CCDC40: variants seen among roughly 807,000 people sequenced by gnomAD.
CCDC40 encodes the protein coiled-coil domain-containing protein 40.
In CCDC40, 104 loss-of-function variants were observed where a neutral mutation model predicts 124.5. That is an observed-to-expected ratio of 0.84 (90% CI 0.71 to 0.98). CCDC40 has a LOEUF of 0.98. CCDC40 is among the 50% of genes least tolerant of loss of function. The probability of loss-of-function intolerance (pLI) is 0.00; values close to 1 mark genes in which losing one functional copy is unlikely to be tolerated. For synonymous variants in CCDC40, 580 were observed against 602.9 expected (o/e 0.96, Z 0.56); for missense variants, 1,463 against 1,503.9 (o/e 0.97, Z 0.45).
chr17:80,036,726 C>A (rs1019182046), intron 1 of CCDC40, 35 bp downstream of exon 1: 1 of 1,459,722 alleles, frequency 6.9e-7, no homozygotes, highest in South Asian at 1.3e-5. Flanking sequence ...GTCTTGGAGT[C>A]GCCAGGCCGC....
chr17:80,083,096 G>A (rs1184018943), intron 12 of CCDC40, among the ~76,000 whole-genome samples: 2 of 149,400 alleles, frequency 1.3e-5, no homozygotes, highest in Non-Finnish European at 3.0e-5. Flanking sequence ...ATGCCTAGGG[G>A]GAGCCAGGGT....
In CCDC40 at chr17:80,083,286, G is replaced by A. The variant is rs918721705; in HGVS notation, c.1989+1228G>A. On this transcript the variant is annotated intron_variant, in intron 12 of 19. Transcript: ENST00000397545. The stretch of plus-strand genomic sequence containing the variant: ...TGAACTTGGCAGAGGAGGAGGCTGC[G>A]AGCTGACATTGCCACACAACTCCAG... 5.3e-5 allele frequency among the ~76,000 whole-genome samples: 8 copies of A among 152,106 alleles called. No homozygotes were observed. The East Asian group carries it at 1.2e-3, about 22-fold the overall frequency.
At chr17:80,071,025 G>A (rs911762055) in intron 10 of CCDC40, among the ~76,000 whole-genome samples, 9 of 152,172 alleles carry the variant, frequency 5.9e-5, no homozygotes, top group African/African-American at 1.7e-4. Flanking sequence ...AGACCGCAGC[G>A]GTCCAGGCAA....
chr17:80,037,569 T>C (rs9903780), intron 1 of CCDC40, among the ~76,000 whole-genome samples: 43,272 of 150,846 alleles, frequency 0.29, 7,195 homozygotes, highest in African/African-American at 0.46. Context: ...CTAAATGTTA[T>C]CAATGATTAT....
intron 9 of CCDC40, among the ~76,000 whole-genome samples, chr17:80,064,340 C>T (rs56071031): frequency 0.12 from 18,479 of 152,144 alleles, 1,213 homozygotes; most frequent in Middle Eastern, 0.19. Context: ...TTCTACAGGA[C>T]GCCCCAGTTG....
At chr17:80,077,934 T>TA (rs1442181956) in intron 10 of CCDC40, among the ~76,000 whole-genome samples, 5 of 152,222 alleles carry the variant, frequency 3.3e-5, no homozygotes, top group Non-Finnish European at 7.3e-5. Flanking sequence ...TTTACCTCTT[T>TA]ACAGTGTCTT....
Position 80,087,689 on chromosome 17 carries a change from C to T in CCDC40, c.2532C>T (p.Asn844=). The change falls in exon 15 of 20, where the codon AAC becomes AAT. Residue 844 remains asparagine (N), a synonymous_variant. Coordinates refer to ENST00000397545, the MANE Select transcript of CCDC40 (RefSeq NM_017950.4). This position sits in a 1 kb window ranked among gnomAD's most constrained non-coding sequence, Gnocchi z 4.5. The part of the protein sequence containing the change: ...KDLDNDLKKL[N]MLMNKNRCSS... ...TGGACAACGACCTGAAGAAGCTCAA[C>T]ATGTTGATGAATAAAAACCGGTGCA... is the stretch of plus-strand genomic sequence containing the variant. The T allele has an allele frequency of 6.2e-7, 1 of 1,613,904 alleles. No individual in the cohort carries two copies. Among genetic ancestry groups the T allele is most frequent in the African/African-American group, 1.3e-5 (1 of 75,036 alleles).
At chr17:80,072,004 T>C (rs1218699833) in intron 10 of CCDC40, among the ~76,000 whole-genome samples, 1 of 151,962 alleles carries the variant, frequency 6.6e-6, no homozygotes, top group African/African-American at 2.4e-5. Flanking sequence ...CATGCCCGGC[T>C]GATTTTGTAT....
rs933031032 is a variant in CCDC40 at position 80,048,976 on chromosome 17, C to T, written c.855+215C>T. 5.3e-5 allele frequency among the ~76,000 whole-genome samples: 8 copies of T among 152,158 alleles called. No homozygotes were observed. In the East Asian group the frequency reaches 5.8e-4, roughly 11 times the overall value. ...AGGTGAGGCCTGTGTTTCTCAACCC[C>T]GGAACCACTGCCCCGTGGGGCCGGG... On this transcript the variant is annotated intron_variant, in intron 5 of 19. Transcript: ENST00000397545.
At chr17:80,063,675 C>T (rs568580406) in intron 9 of CCDC40, among the ~76,000 whole-genome samples, 3 of 152,310 alleles carry the variant, frequency 2.0e-5, no homozygotes, top group East Asian at 1.9e-4. Flanking sequence ...AAAGGGAATC[C>T]GTGCATCCAA....
rs772073501 is a variant in CCDC40 at position 80,090,073 on chromosome 17, G to A, written c.2832+189G>A. 683 of 1,536,842 alleles carry A rather than the reference G, an allele frequency of 4.4e-4. 1 individual carries two copies. Among genetic ancestry groups the A allele is most frequent in the Admixed American group, 5.7e-4 (29 of 50,988 alleles). On this transcript the variant is annotated intron_variant, in intron 17 of 19. Coordinates refer to ENST00000397545, the MANE Select transcript of CCDC40 (RefSeq NM_017950.4). ...CAGCAGAGTGACCTGCACTCCAGCC[G>A]AGCACTGGCAAAGCGCACGTCCCCC...
At chr17:80,064,660 AC>A (rs1221827949) in intron 9 of CCDC40, among the ~76,000 whole-genome samples, 2 of 146,454 alleles carry the variant, frequency 1.4e-5, no homozygotes, top group South Asian at 2.2e-4. Context: ...TTCCTGAACC[AC>A]CCCCCTAGTT....
At position 80,081,638 on chromosome 17, in the gene CCDC40, C is replaced by A; in HGVS notation, c.1655C>A (p.Ala552Glu). ...MKEEEKNEKL[A>E]SILNRTETEA... Reference sequence around the variant, plus strand: ...GAGGAAGAAAAGAACGAGAAGCTGGCGAGCATCCTGAACCGGACAGAGACG... The same window carrying A: ...GAGGAAGAAAAGAACGAGAAGCTGGAGAGCATCCTGAACCGGACAGAGACG... The change falls in exon 11 of 20, where the codon GCG (alanine) becomes GAG (glutamate). Residue 552 changes from alanine (A) to glutamate (E), a missense_variant. Physicochemically the swap from Ala to Glu is moderately radical, Grantham distance 107. Coordinates refer to ENST00000397545, the MANE Select transcript of CCDC40 (RefSeq NM_017950.4). 1.9e-6 allele frequency: 3 copies of A among 1,614,152 alleles called. No individual in the cohort carries two copies. The highest frequency in any genetic ancestry group is 1.6e-4 in the Middle Eastern group (1 of 6,062).
At chr17:80,061,564 T>C (rs553032396) in intron 9 of CCDC40, among the ~76,000 whole-genome samples, 1 of 152,304 alleles carries the variant, frequency 6.6e-6, no homozygotes, top group East Asian at 1.9e-4. Flanking sequence ...ACTTGGTAGA[T>C]GCTTCCTTTT....
At chr17:80,090,872 A>C in intron 17 of CCDC40, 1 of 985,230 alleles carries the variant, frequency 1.0e-6, no homozygotes, top group Non-Finnish European at 1.3e-6. Context: ...ATATGCTAAT[A>C]AGATGTTGTG....
In CCDC40 at chr17:80,066,165, G is replaced by A; in HGVS notation, c.1562+559G>A. ...TCGGGACGCGGAAAGAAAAAGCCGG[G>A]CACTGTGGTGGCACGTGTCTCACCC... On this transcript the variant is annotated intron_variant, in intron 10 of 19. Coordinates refer to ENST00000397545, the MANE Select transcript of CCDC40 (RefSeq NM_017950.4). The surrounding 1 kb of genome is among the most constrained non-coding windows in gnomAD (Gnocchi z 4.4). The A allele has an allele frequency of 1.4e-6, 1 of 702,972 alleles. No homozygotes were observed. The highest frequency in any genetic ancestry group is 2.6e-6 in the Non-Finnish European group (1 of 384,998). 43.5% of individuals were successfully genotyped at this position (702,972 alleles called of 1,614,324 possible).
chr17:80,057,202 C>G (rs1266003380), intron 7 of CCDC40, among the ~76,000 whole-genome samples: 1 of 151,944 alleles, frequency 6.6e-6, no homozygotes, highest in African/African-American at 2.4e-5. Context: ...ATCCTCCCAC[C>G]TCAGCCTCCT....
At chr17:80,068,354 G>A (rs1015287774) in intron 10 of CCDC40, among the ~76,000 whole-genome samples, 5 of 152,130 alleles carry the variant, frequency 3.3e-5, no homozygotes, top group South Asian at 2.1e-4. Flanking sequence ...AGTGCAGGCC[G>A]TGTAGAACAT....
In CCDC40 at chr17:80,090,796, G is replaced by T. The variant is rs2038709610; in HGVS notation, c.2832+912G>T. On this transcript the variant is annotated intron_variant, in intron 17 of 19. Coordinates refer to ENST00000397545, the MANE Select transcript of CCDC40 (RefSeq NM_017950.4). ...TAAGAGCAGTTCATAAAATAAATGG[G>T]CCTCACTTTCACCATGCCATGCTAA... The T allele has an allele frequency of 4.0e-6, 5 of 1,254,240 alleles. No individual in the cohort carries two copies. The South Asian group carries it at 8.7e-5, about 22-fold the overall frequency. 77.7% of individuals were successfully genotyped at this position (1,254,240 alleles called of 1,614,324 possible). A position where few individuals can be genotyped will look rare whatever the true frequency, so the allele number is the denominator to read the frequency against.
Sources: gnomAD v4.1 joint callset for allele counts (sites outside exome capture counted in the v4.1 genomes callset) on GRCh38, gnomAD v4.1.1 for gene constraint, Gnocchi (gnomAD v3.1) non-coding constraint, MANE v1.5 for transcripts, NCBI Gene and HGNC (gene_info 2026-07-23, HGNC 2026-07-21) for gene names.